Variants in PCDHGA5 observed in about 807,000 individuals in gnomAD.
PCDHGA5 encodes the protein protocadherin gamma-A5.
PCDHGA5 carries 36 observed loss-of-function variants against 56.7 expected under a neutral mutation model. The ratio of observed to expected loss-of-function variants is 0.64; its 90% CI spans 0.49 to 0.84. The LOEUF is 0.84. Ranked by LOEUF, PCDHGA5 falls within the 40% of genes least tolerant of loss-of-function variation. The pLI is 0.00. For synonymous variants in PCDHGA5, 563 were observed against 520.2 expected (o/e 1.08, Z -1.12); for missense variants, 1,305 against 1,201.5 (o/e 1.09, Z -1.27).
intron 1 of PCDHGA5, chr5:141,393,008 T>C: frequency 1.2e-6 from 2 of 1,613,876 alleles, no homozygotes. Flanking sequence ...ACGGAGTCCG[T>C]ATCGTCTCCA....
chr5:141,400,181 A>C, intron 1 of PCDHGA5: 3 of 1,614,034 alleles, frequency 1.9e-6, no homozygotes, highest in Non-Finnish European at 2.5e-6. Context: ...GCTGAGCTGC[A>C]GTTTTACCTA....
At chr5:141,375,097 G>A in intron 1 of PCDHGA5, 1 of 1,613,904 alleles carries the variant, frequency 6.2e-7, no homozygotes, top group Non-Finnish European at 8.5e-7. Flanking sequence ...TAACTATCTT[G>A]GATGTCAATG....
chr5:141,374,573 A>T (rs1319007072), intron 1 of PCDHGA5: 15 of 1,613,740 alleles, frequency 9.3e-6, no homozygotes, highest in Non-Finnish European at 1.3e-5. Context: ...TGATGTGGGA[A>T]TGAACTCCCT....
In PCDHGA5 at chr5:141,431,377, T is replaced by A; in HGVS notation, c.2422-63430T>A. 1 of 1,613,426 alleles carries A rather than the reference T, an allele frequency of 6.2e-7. No individual in the cohort carries two copies. Among genetic ancestry groups the A allele is most frequent in the Non-Finnish European group, 8.5e-7 (1 of 1,179,558 alleles). ...GCGCCCTGGACCGCGAAGAAAAGGC[T>A]GCTCACCACCTGGTCCTTACGGCCT... is the stretch of plus-strand genomic sequence containing the variant. On this transcript the variant is annotated intron_variant, in intron 1 of 3. Coordinates refer to ENST00000518069, the MANE Select transcript of PCDHGA5 (RefSeq NM_018918.3). This position sits in a 1 kb window ranked among gnomAD's most constrained non-coding sequence, Gnocchi z 4.8.
At chr5:141,461,963 C>T (rs1396490046) in intron 1 of PCDHGA5, among the ~76,000 whole-genome samples, 1 of 152,084 alleles carries the variant, frequency 6.6e-6, no homozygotes, top group Non-Finnish European at 1.5e-5. Flanking sequence ...AGCTGGGATT[C>T]CAGGCATATG....
chr5:141,509,056 G>C (rs1303823294), intron 3 of PCDHGA5, among the ~76,000 whole-genome samples: 1 of 152,178 alleles, frequency 6.6e-6, no homozygotes, highest in Non-Finnish European at 1.5e-5. Flanking sequence ...CCCCCAGAAA[G>C]CTCTCAGCTC....
At chr5:141,420,250 A>G (rs757203976) in intron 1 of PCDHGA5, 2 of 1,578,784 alleles carry the variant, frequency 1.3e-6, no homozygotes, top group South Asian at 1.2e-5. Context: ...CCAGCGTTGA[A>G]GCAGATAAGA....
chr5:141,412,554 C>T (rs2095562022), intron 1 of PCDHGA5: 1 of 152,094 alleles, frequency 6.6e-6, no homozygotes, highest in Non-Finnish European at 1.5e-5. Context: ...TGAATTATCT[C>T]ATGAGTTTAT....
rs1333419586 is a variant in PCDHGA5 at position 141,485,206 on chromosome 5, C to T, written c.2422-9601C>T. 1 of 1,614,116 alleles carries T rather than the reference C, an allele frequency of 6.2e-7. No individual in the cohort carries two copies. The highest frequency in any genetic ancestry group is 8.5e-7 in the Non-Finnish European group (1 of 1,179,946). ...GCAAGGTGAGAAGCTGGACAGAAAT[C>T]TGGCGGTGGGCTACCCTTTTGTTCC... On this transcript the variant is annotated intron_variant, in intron 1 of 3. Coordinates refer to ENST00000518069, the MANE Select transcript of PCDHGA5 (RefSeq NM_018918.3). The surrounding 1 kb of genome is among the most constrained non-coding windows in gnomAD (Gnocchi z 5.7).
At chr5:141,429,924 A>T (rs2097252885) in intron 1 of PCDHGA5, among the ~76,000 whole-genome samples, 1 of 152,210 alleles carries the variant, frequency 6.6e-6, no homozygotes, top group Admixed American at 6.5e-5. Context: ...GTATTAATAG[A>T]ATTCTGGAGT....
At chr5:141,392,945 C>T (rs1561639150) in intron 1 of PCDHGA5, 1 of 1,613,916 alleles carries the variant, frequency 6.2e-7, no homozygotes. Flanking sequence ...AAGGCTCCTT[C>T]GTGGGTAATA....
At position 141,491,828 on chromosome 5, in the gene PCDHGA5, G is replaced by C. The variant is rs1389234164; in HGVS notation, c.2422-2979G>C. ...CTTGGTCGCTGGCTGCGCTCCACCC[G>C]ATTCTCGGGATCATTGGACCGTTTG... On this transcript the variant is annotated intron_variant, in intron 1 of 3. Coordinates refer to ENST00000518069, the MANE Select transcript of PCDHGA5 (RefSeq NM_018918.3). The surrounding 1 kb of genome is among the most constrained non-coding windows in gnomAD (Gnocchi z 6.9). 4.1e-6 allele frequency: 6 copies of C among 1,475,668 alleles called. No homozygotes were observed. The highest frequency in any genetic ancestry group is 5.4e-6 in the Non-Finnish European group (6 of 1,113,522). 91.4% of individuals were successfully genotyped at this position (1,475,668 alleles called of 1,614,324 possible).
intron 1 of PCDHGA5, chr5:141,427,870 C>A (rs773176633): frequency 3.2e-6 from 5 of 1,558,750 alleles, no homozygotes; most frequent in Non-Finnish European, 4.4e-6. Context: ...TTCGAGCTCA[C>A]GATGCAGGCC....
chr5:141,403,540 G>A (rs752983401), intron 1 of PCDHGA5: 2 of 1,613,886 alleles, frequency 1.2e-6, no homozygotes, highest in African/African-American at 2.7e-5. Context: ...AGCTGGTGCT[G>A]GAGCGCGCCC....
chr5:141,401,446 A>G (rs1200787289), intron 1 of PCDHGA5, among the ~76,000 whole-genome samples: 1 of 152,244 alleles, frequency 6.6e-6, no homozygotes, highest in Non-Finnish European at 1.5e-5. Context: ...GAAGGTCCAA[A>G]TCATCCAAAT....
At position 141,415,171 on chromosome 5, in the gene PCDHGA5, G is replaced by A. The variant is rs748508713; in HGVS notation, c.2421+48420G>A. ...TCTCTCCGCCACTGTCACGCTCACC[G>A]TGGCCGTGGCCGACAGCATCCCCCA... On this transcript the variant is annotated intron_variant, in intron 1 of 3. Coordinates refer to ENST00000518069, the MANE Select transcript of PCDHGA5 (RefSeq NM_018918.3). 8 of 1,613,876 alleles carry A rather than the reference G, an allele frequency of 5.0e-6. No homozygotes were observed. In the South Asian group the frequency reaches 6.6e-5, roughly 13 times the overall value.
chr5:141,400,426 G>A (rs1346018954), intron 1 of PCDHGA5: 1 of 1,614,060 alleles, frequency 6.2e-7, no homozygotes, highest in Non-Finnish European at 8.5e-7. Flanking sequence ...AAAATGTAGT[G>A]AGCAATTGAG....
In PCDHGA5 at chr5:141,405,069, C is replaced by T. The variant is rs200974828; in HGVS notation, c.2421+38318C>T. On this transcript the variant is annotated intron_variant, in intron 1 of 3. Coordinates refer to ENST00000518069, the MANE Select transcript of PCDHGA5 (RefSeq NM_018918.3). ...GCAGTCGTCTCCTGTGTCTTCCTCA[C>T]CTTCGTTATCACGCTGCTGGCCCTC... is the stretch of plus-strand genomic sequence containing the variant. 1.3e-4 allele frequency: 215 copies of T among 1,613,758 alleles called. No individual in the cohort carries two copies. The highest frequency in any genetic ancestry group is 1.7e-4 in the Non-Finnish European group (203 of 1,179,762).
rs2097542578 is a variant in PCDHGA5 at position 141,432,849 on chromosome 5, T to C, written c.2422-61958T>C. On this transcript the variant is annotated intron_variant, in intron 1 of 3. Coordinates refer to ENST00000518069, the MANE Select transcript of PCDHGA5 (RefSeq NM_018918.3). The surrounding 1 kb of genome is among the most constrained non-coding windows in gnomAD (Gnocchi z 6.0). ...CTCACTCTGTACCTGGTGGTAGCGG[T>C]GGCCGCGGTCTCCTGCGTCTTCCTG... 2 of 1,614,076 alleles carry C rather than the reference T, an allele frequency of 1.2e-6. No individual in the cohort carries two copies. Among genetic ancestry groups the C allele is most frequent in the South Asian group, 1.1e-5 (1 of 91,096 alleles).
Sources: gnomAD v4.1 joint callset for allele counts (sites outside exome capture counted in the v4.1 genomes callset) on GRCh38, gnomAD v4.1.1 for gene constraint, Gnocchi (gnomAD v3.1) non-coding constraint, MANE v1.5 for transcripts, NCBI Gene and HGNC (gene_info 2026-07-23, HGNC 2026-07-21) for gene names.